PCDH15: variants seen among roughly 807,000 people sequenced by gnomAD.
PCDH15 encodes protocadherin-15.
PCDH15 carries 129 observed loss-of-function variants against 178.5 expected under a neutral mutation model. That is an observed-to-expected ratio of 0.72 (90% CI 0.63 to 0.84). The LOEUF is 0.84. PCDH15 is among the 40% of genes least tolerant of loss of function. The pLI is 0.00. For missense variants in PCDH15, 2,230 were observed against 2,099.9 expected (o/e 1.06, Z -1.21); for synonymous variants, 800 against 732.0 (o/e 1.09, Z -1.50).
intron 15 of PCDH15, among the ~76,000 whole-genome samples, chr10:54,103,918 T>TA (rs150490543): frequency 0.012 from 1,821 of 152,130 alleles, 43 homozygotes; most frequent in African/African-American, 0.041. Context: ...TTATATAAAT[T>TA]AAAAAAACAT....
chr10:54,412,783 G>A (rs558198020), intron 3 of PCDH15, among the ~76,000 whole-genome samples: 21 of 152,238 alleles, frequency 1.4e-4, no homozygotes, highest in South Asian at 2.1e-4. Flanking sequence ...GGGCAGTGGC[G>A]TGACCCCGGC....
chr10:55,328,000 G>C (rs555186032), intron 2 of PCDH15, among the ~76,000 whole-genome samples: 1 of 151,982 alleles, frequency 6.6e-6, no homozygotes, highest in East Asian at 1.9e-4. Flanking sequence ...TTGTTGTTTG[G>C]AAAGATTTAA....
At chr10:54,828,324 TGG>T (rs1334952336) in intron 3 of PCDH15, among the ~76,000 whole-genome samples, 27 of 152,056 alleles carry the variant, frequency 1.8e-4, no homozygotes, top group African/African-American at 6.3e-4. Context: ...AAATAAATGG[TGG>T]ATCCAAAATG....
chr10:53,895,114 C>T (rs921366291), intron 26 of PCDH15, among the ~76,000 whole-genome samples: 2 of 152,106 alleles, frequency 1.3e-5, no homozygotes, highest in Non-Finnish European at 2.9e-5. Flanking sequence ...TTACCTAAGA[C>T]CCAGGTGAGC....
At chr10:54,226,852 C>T (rs1002220784) in intron 9 of PCDH15, among the ~76,000 whole-genome samples, 2 of 152,146 alleles carry the variant, frequency 1.3e-5, no homozygotes, top group African/African-American at 2.4e-5. Context: ...GCCCCCAAGT[C>T]CAAAATCCAG....
chr10:53,808,937 G>T, intron 37 of PCDH15: 1 of 1,562,642 alleles, frequency 6.4e-7, no homozygotes, highest in Non-Finnish European at 8.7e-7. Context: ...TCTTCCACAG[G>T]GGCTGGTCCA....
chr10:53,825,454 A>C (rs191482506), intron 32 of PCDH15, among the ~76,000 whole-genome samples: 14 of 151,932 alleles, frequency 9.2e-5, no homozygotes, highest in Non-Finnish European at 7.4e-5. Context: ...CTAAAATAAA[A>C]ATTTTAAATG....
At chr10:54,692,052 AT>A (rs760647453) in intron 1 of PCDH15, among the ~76,000 whole-genome samples, 1 of 152,118 alleles carries the variant, frequency 6.6e-6, no homozygotes, top group African/African-American at 2.4e-5. Context: ...ATCTTCAATA[AT>A]TTTATTTGTT....
chr10:54,088,557 C>A (rs1471420878), intron 16 of PCDH15, among the ~76,000 whole-genome samples: 1 of 152,024 alleles, frequency 6.6e-6, no homozygotes, highest in African/African-American at 2.4e-5. Context: ...TTGACGAGAC[C>A]CAATTTATCA....
intron 1 of PCDH15, among the ~76,000 whole-genome samples, chr10:55,174,832 G>A (rs1444761033): frequency 6.6e-6 from 1 of 152,090 alleles, no homozygotes; most frequent in Non-Finnish European, 1.5e-5. Flanking sequence ...TGTGAATATG[G>A]CCCTATTAAG....
At chr10:54,515,890 C>A (rs974498353) in intron 3 of PCDH15, among the ~76,000 whole-genome samples, 1 of 152,338 alleles carries the variant, frequency 6.6e-6, no homozygotes, top group Non-Finnish European at 1.5e-5. Flanking sequence ...CAAACAGGGT[C>A]TGGAGGGGAC....
At chr10:54,428,375 T>C (rs1431475256) in intron 3 of PCDH15, among the ~76,000 whole-genome samples, 8 of 152,226 alleles carry the variant, frequency 5.3e-5, no homozygotes, top group South Asian at 2.1e-4. Context: ...CCATGCCCAG[T>C]TGAATTTACA....
At chr10:55,528,759 G>A (rs1841373092) in intron 2 of PCDH15, among the ~76,000 whole-genome samples, 1 of 152,062 alleles carries the variant, frequency 6.6e-6, no homozygotes, top group African/African-American at 2.4e-5. Flanking sequence ...AGACGGCTGG[G>A]TCAAATAGTA....
rs141499461 is a variant in PCDH15 at position 54,245,128 on chromosome 10, T to C, written c.877-8197A>G. Reference sequence around the variant, plus strand: ...CTCCATATAAGGCCTCCACACTCAATAGGAAGGCAATAAAACAAGGACAAC... The same window carrying C: ...CTCCATATAAGGCCTCCACACTCAACAGGAAGGCAATAAAACAAGGACAAC... On this transcript the variant is annotated intron_variant, in intron 8 of 37. Coordinates refer to ENST00000644397, the MANE Select transcript of PCDH15 (RefSeq NM_001384140.1). 3.8e-3 allele frequency among the ~76,000 whole-genome samples: 574 copies of C among 152,114 alleles called. 3 individuals are homozygous for C. The highest frequency in any genetic ancestry group is 0.013 in the African/African-American group (541 of 41,496).
At chr10:55,584,709 T>G (rs1032721492) in intron 2 of PCDH15, among the ~76,000 whole-genome samples, 1 of 151,202 alleles carries the variant, frequency 6.6e-6, no homozygotes, top group Non-Finnish European at 1.5e-5. Flanking sequence ...GGCTTCAGCT[T>G]TCTCATCTCT....
At chr10:55,261,978 C>T (rs1291239499) in intron 1 of PCDH15, among the ~76,000 whole-genome samples, 1 of 146,194 alleles carries the variant, frequency 6.8e-6, no homozygotes, top group African/African-American at 2.5e-5. Flanking sequence ...ATCTCAAATT[C>T]CATTTCACTG....
At chr10:54,245,576 T>C (rs1014783246) in intron 8 of PCDH15, among the ~76,000 whole-genome samples, 2 of 152,108 alleles carry the variant, frequency 1.3e-5, no homozygotes, top group African/African-American at 4.8e-5. Context: ...AACACATGTA[T>C]TAGAAGTCAA....
intron 8 of PCDH15, among the ~76,000 whole-genome samples, chr10:54,248,072 A>T (rs2132040775): frequency 6.6e-6 from 1 of 151,524 alleles, no homozygotes; most frequent in Non-Finnish European, 1.5e-5. Flanking sequence ...ATTGACTCCA[A>T]GTTATAAGCT....
At chr10:55,143,296 T>A (rs1184996818) in intron 2 of PCDH15, among the ~76,000 whole-genome samples, 5 of 152,070 alleles carry the variant, frequency 3.3e-5, no homozygotes, top group Non-Finnish European at 7.4e-5. Flanking sequence ...ACAATATATA[T>A]GTATACCTGA....
Sources: allele counts gnomAD v4.1 joint callset (sites outside exome capture counted in the v4.1 genomes callset), GRCh38; gene constraint gnomAD v4.1.1; transcripts MANE v1.5; gene names NCBI Gene and HGNC (gene_info 2026-07-23, HGNC 2026-07-21).